Variants in USP34 observed in about 807,000 individuals in gnomAD.
USP34 encodes the protein ubiquitin carboxyl-terminal hydrolase 34.
A neutral mutation model predicts 460.3 loss-of-function variants in USP34; 70 were observed. The observed-to-expected ratio is 0.15, with a 90% confidence interval of 0.13 to 0.19. The LOEUF (loss-of-function observed/expected upper bound fraction) is 0.19. Ranked by LOEUF, USP34 falls within the 10% of genes least tolerant of loss-of-function variation. The pLI is 1.00. For missense variants in USP34, 3,985 were observed against 4,236.2 expected, an observed-to-expected ratio of 0.94 and a Z score of 1.65; for synonymous variants, 1,647 against 1,405.3, an observed-to-expected ratio of 1.17 and a Z score of -3.85.
chr2:61,360,007 ACTCCTGAC>A (rs1692226124), intron 10 of USP34, among the ~76,000 whole-genome samples: 1 of 150,720 alleles, frequency 6.6e-6, no homozygotes, highest in Admixed American at 6.6e-5. Context: ...CTGGTCTTGA[ACTCCTGAC>A]CTCACGATCC....
chr2:61,377,903 A>T (rs1692843788), intron 8 of USP34, among the ~76,000 whole-genome samples: 1 of 152,248 alleles, frequency 6.6e-6, no homozygotes, highest in African/African-American at 2.4e-5. Context: ...ATGTGGCCAG[A>T]CACAGTGGCT....
chr2:61,307,612 G>C (rs1281408751), intron 27 of USP34, among the ~76,000 whole-genome samples: 2 of 151,758 alleles, frequency 1.3e-5, no homozygotes, highest in African/African-American at 4.8e-5. Context: ...CCTAGAATTT[G>C]ATGTCCAGTG....
intron 10 of USP34, among the ~76,000 whole-genome samples, chr2:61,351,969 C>T (rs1206899831): frequency 6.6e-6 from 1 of 152,148 alleles, no homozygotes; most frequent in African/African-American, 2.4e-5. Context: ...TATTAAATAA[C>T]ATTACAGATT....
At chr2:61,372,178 T>C (rs1692648475) in intron 8 of USP34, among the ~76,000 whole-genome samples, 1 of 152,112 alleles carries the variant, frequency 6.6e-6, no homozygotes, top group Admixed American at 6.6e-5. Context: ...GCATATCCAA[T>C]GAAGAATTTA....
At chr2:61,416,097 T>C (rs879719112) in intron 2 of USP34, among the ~76,000 whole-genome samples, 10 of 152,204 alleles carry the variant, frequency 6.6e-5, no homozygotes, top group Non-Finnish European at 1.5e-4. Flanking sequence ...CTCCACAGTA[T>C]TCAACCTCAC....
At chr2:61,265,656 C>T in intron 42 of USP34, 99 bp from the exon 43 acceptor site, 1 of 1,090,416 alleles carries the variant, frequency 9.2e-7, no homozygotes, top group East Asian at 2.6e-5. Context: ...TTAGTTACCT[C>T]ATTAATATAT....
chr2:61,454,941 G>A (rs945476727), intron 1 of USP34, among the ~76,000 whole-genome samples: 1 of 147,762 alleles, frequency 6.8e-6, no homozygotes, highest in East Asian at 2.0e-4. Flanking sequence ...GAGTGCAGTG[G>A]TGCCATCTTG....
At chr2:61,265,147 A>G (rs1689010364) in intron 43 of USP34, 1 of 341,792 alleles carries the variant, frequency 2.9e-6, no homozygotes, top group African/African-American at 2.1e-5. Context: ...CATGATATTC[A>G]TTGTATACAC....
In USP34 at chr2:61,236,048, G is replaced by A; in HGVS notation, c.6944C>T (p.Thr2315Ile). ...TACCTTTTCTTTAGAATGAATAAAT[G>A]TCTCTAGGACAAAGGAAGTGCTTAA... ...AKLSTSFVLE[T>I]FIHSKEKPTM... The change falls in exon 56 of 80, where the codon ACA becomes ATA. Residue 2315 changes from threonine to isoleucine, a missense_variant. Thr to Ile is a moderately conservative substitution (Grantham distance 89). Around this residue, in one of 14 missense-constraint regions of USP34, gnomAD observed 604 missense variants for 684.8 expected, o/e 0.88. Transcript: ENST00000398571. 6.2e-7 allele frequency: 1 copy of A among 1,606,842 alleles called. No individual in the cohort carries two copies. Among genetic ancestry groups the A allele is most frequent in the South Asian group, 1.1e-5 (1 of 89,046 alleles).
At chr2:61,215,002 T>C (rs1351013531) in intron 67 of USP34, among the ~76,000 whole-genome samples, 2 of 152,192 alleles carry the variant, frequency 1.3e-5, no homozygotes, top group Non-Finnish European at 2.9e-5. Flanking sequence ...TCTCAGGAAG[T>C]AGTATGATTT....
intron 66 of USP34, 121 bp downstream of exon 66, chr2:61,221,381 T>C: frequency 1.2e-6 from 1 of 840,674 alleles, no homozygotes. Context: ...TCCCCAAACC[T>C]GTGACTTACT....
At chr2:61,383,997 TGTATTAGTTTTTTAATAAACC>T (rs1317294032) in intron 5 of USP34, among the ~76,000 whole-genome samples, 2 of 152,194 alleles carry the variant, frequency 1.3e-5, no homozygotes, top group Non-Finnish European at 2.9e-5. Context: ...TACAAGGCAC[TGTATTAGTTTTTTAATAAACC>T]GTATTAGTTT....
At chr2:61,190,769 C>A in intron 76 of USP34, 111 bp from the exon 77 acceptor site, 1 of 1,334,800 alleles carries the variant, frequency 7.5e-7, no homozygotes, top group Non-Finnish European at 1.0e-6. Context: ...AATCTGAAGC[C>A]ACTGAAAATC....
intron 5 of USP34, among the ~76,000 whole-genome samples, chr2:61,388,455 T>A (rs1191249410): frequency 2.6e-5 from 3 of 116,236 alleles, no homozygotes; most frequent in East Asian, 5.0e-4. Context: ...ACAGGGGAGT[T>A]TAAAAAAAAA....
At position 61,187,526 on chromosome 2, in the gene USP34, CAATAAAAAT is replaced by C; in HGVS notation, c.*567_*575del. The C allele has an allele frequency of 1.0e-6, 1 of 981,494 alleles. No individual in the cohort carries two copies. Among genetic ancestry groups the C allele is most frequent in the South Asian group, 4.7e-5 (1 of 21,186 alleles). The allele number at this position is 981,494 out of a possible 1,614,324, so 60.8% of individuals were successfully genotyped here. On this transcript the variant is annotated 3_prime_UTR_variant, in exon 80 of 80. Transcript: ENST00000398571. ...ATAGCAATCAATCAATCAGTCATGT[CAATAAAAAT>C]AAAACAATTATTTTTACATCAAGTG...
At chr2:61,345,258 AGT>A (rs1261650412) in intron 15 of USP34, among the ~76,000 whole-genome samples, 2 of 149,882 alleles carry the variant, frequency 1.3e-5, no homozygotes, top group Non-Finnish European at 3.0e-5. Flanking sequence ...TGAACAACAG[AGT>A]GTGACTGTGT....
At position 61,385,348 on chromosome 2, in the gene USP34, A is replaced by T. The variant is rs2103875353; in HGVS notation, c.754-2012T>A. ...CATGCAGAACTTATGAAACTCATTC[A>T]AAGCACAAAGGTCCAAGAATAGCTA... On this transcript the variant is annotated intron_variant, in intron 5 of 79. Coordinates refer to ENST00000398571, the MANE Select transcript of USP34 (RefSeq NM_014709.4). Among the ~76,000 whole-genome samples the T allele has an allele frequency of 1.3e-5, 2 of 152,268 alleles. 1 individual carries two copies.
chr2:61,348,650 G>A lies in USP34; in HGVS notation c.1674+106C>T, dbSNP rs911342086. 7 of 1,460,388 alleles carry A rather than the reference G, an allele frequency of 4.8e-6. No homozygotes were observed. The Admixed American group carries it at 7.9e-5, about 17-fold the overall frequency. 90.5% of individuals were successfully genotyped at this position (1,460,388 alleles called of 1,614,324 possible). On this transcript the variant is annotated intron_variant, in intron 14 of 79. Transcript: ENST00000398571. ...AGGATGTCAAAAATATTACGTAAAG[G>A]AGAGGACAAGCCCAAACATGAATTA...
At chr2:61,452,330 T>C (rs1299951420) in intron 1 of USP34, among the ~76,000 whole-genome samples, 1 of 140,536 alleles carries the variant, frequency 7.1e-6, no homozygotes, top group Admixed American at 7.0e-5. Context: ...TTTTTTTTTT[T>C]TTTTTTTTTT....
Sources: allele counts gnomAD v4.1 joint callset (sites outside exome capture counted in the v4.1 genomes callset), GRCh38; gene constraint gnomAD v4.1.1; regional missense constraint gnomAD v4.1.1; transcripts MANE v1.5; gene names NCBI Gene and HGNC (gene_info 2026-07-23, HGNC 2026-07-21).